Variants in SLC3A2 observed in about 807,000 individuals in gnomAD.
SLC3A2 encodes amino acid transporter heavy chain SLC3A2.
In SLC3A2, 32 loss-of-function variants were observed where a neutral mutation model predicts 48.5. The ratio of observed to expected loss-of-function variants is 0.66; its 90% CI spans 0.50 to 0.89. The LOEUF is 0.89. Ranked by LOEUF, SLC3A2 falls within the 40% of genes least tolerant of loss-of-function variation. The pLI is 0.00. For synonymous variants in SLC3A2, 277 were observed against 288.8 expected (o/e 0.96, Z 0.41); for missense variants, 587 against 680.7 (o/e 0.86, Z 1.53).
At chr11:62,886,594 CTT>C (rs1034005297) in intron 7 of SLC3A2, 4 of 144,528 alleles carry the variant, frequency 2.8e-5, no homozygotes, top group Non-Finnish European at 3.1e-5. Flanking sequence ...CCCAGCTGAT[CTT>C]TTTTTTTTTT....
At position 62,870,845 on chromosome 11, in the gene SLC3A2, TAATA is replaced by T. The variant is rs1565247753; in HGVS notation, c.113-10172_113-10169del. The T allele has an allele frequency of 1.1e-3, 159 of 140,058 alleles. 2 individuals are homozygous for T. The highest frequency in any genetic ancestry group is 6.3e-3 in the African/African-American group (150 of 23,868). The allele number at this position is 140,058 out of a possible 1,614,324, so 8.7% of individuals were successfully genotyped here. On this transcript the variant is annotated intron_variant, in intron 1 of 9. Transcript: ENST00000377889. ...AGAATGCCGAGATGATAGGTAATAA[TAATA>T]ATAATAATTATTATTATTATTATTA...
rs770791874 is a variant in SLC3A2 at position 62,885,167 on chromosome 11, C to T, written c.819-10C>T. On this transcript the variant is annotated splice_polypyrimidine_tract_variant and intron_variant, in intron 5 of 8. Transcript: ENST00000338663. ...TGTGCTAACCTTGAACTCCTCCCTC[C>T]CCTCTGCAGGCTCTTGATTGCGGGG... 5.6e-6 allele frequency: 9 copies of T among 1,613,510 alleles called. No individual in the cohort carries two copies. The highest frequency in any genetic ancestry group is 7.6e-6 in the Non-Finnish European group (9 of 1,179,874).
At position 62,884,690 on chromosome 11, in the gene SLC3A2, G is replaced by A; in HGVS notation, c.818G>A (p.Arg273Lys). 1 of 1,599,230 alleles carries A rather than the reference G, an allele frequency of 6.3e-7. No homozygotes were observed. Residue 273 changes from arginine to lysine, a missense_variant and splice_region_variant, in exon 5 of 9, where the codon AGG becomes AAG. Arg to Lys is a conservative substitution (Grantham distance 26). Around this residue, in one of 3 missense-constraint regions of SLC3A2, gnomAD observed 409 missense variants for 446.7 expected, o/e 0.92. Transcript: ENST00000338663. Reference sequence around the variant, plus strand: ...ATCACCAAGGGCTTCAGTGAAGACAGGTGGGTGCAGGAGCCATTCTGCTGA... The same window carrying A: ...ATCACCAAGGGCTTCAGTGAAGACAAGTGGGTGCAGGAGCCATTCTGCTGA... ...QNITKGFSED[R>K]LLIAGTNSSD...
chr11:62,865,904 C>T (rs2085447702), intron 1 of SLC3A2, among the ~76,000 whole-genome samples: 1 of 152,126 alleles, frequency 6.6e-6, no homozygotes. Context: ...TCTTGAGTAG[C>T]TCAGCTCTGA....
At chr11:62,866,598 G>A (rs758184801) in intron 1 of SLC3A2, among the ~76,000 whole-genome samples, 8 of 152,056 alleles carry the variant, frequency 5.3e-5, no homozygotes, top group Non-Finnish European at 1.0e-4. Flanking sequence ...CCTTCACCAT[G>A]TTGGCCAGGT....
intron 3 of SLC3A2, chr11:62,884,075 C>T: frequency 2.1e-6 from 1 of 465,544 alleles, no homozygotes; most frequent in Admixed American, 2.3e-5. Flanking sequence ...GACGCGTCTC[C>T]CTGCTTCTCT....
chr11:62,884,427 G>A, intron 3 of SLC3A2, 30 bp from the exon 4 acceptor site: 1 of 1,613,422 alleles, frequency 6.2e-7, no homozygotes, highest in South Asian at 1.1e-5. Context: ...GAGAACTGAT[G>A]TCTGTCCTTT....
In SLC3A2 at chr11:62,883,004, G is replaced by GTGTT. The variant is rs2085663026; in HGVS notation, c.690+6_690+9dup. The GTGTT allele has an allele frequency of 6.2e-7, 1 of 1,613,662 alleles. No homozygotes were observed. Among genetic ancestry groups the GTGTT allele is most frequent in the Admixed American group, 1.7e-5 (1 of 60,008 alleles). ...ACTGTGGCCACCAAGGTGAAGGTGA[G>GTGTT]TGTTGGAGCTGATGGCTGGTGGAAG... On this transcript the variant is annotated splice_donor_region_variant and intron_variant, in intron 3 of 8. Coordinates refer to ENST00000338663, the MANE Select transcript of SLC3A2 (RefSeq NM_001013251.3).
At chr11:62,865,195 G>A (rs2085440105) in intron 1 of SLC3A2, among the ~76,000 whole-genome samples, 5 of 152,266 alleles carry the variant, frequency 3.3e-5, no homozygotes, top group African/African-American at 9.6e-5. Flanking sequence ...TGGCAGAACC[G>A]TTACAGTTTT....
chr11:62,866,905 A>G (rs1783239913), intron 1 of SLC3A2, among the ~76,000 whole-genome samples: 1 of 152,214 alleles, frequency 6.6e-6, no homozygotes, highest in Non-Finnish European at 1.5e-5. Context: ...GATGTCAGTT[A>G]AAATTCAGAC....
chr11:62,884,665 A>G lies in SLC3A2; in HGVS notation c.793A>G (p.Ile265Val). Residue 265 changes from isoleucine to valine, a missense_variant, in exon 5 of 9, where the codon ATC (isoleucine) becomes GTC (valine). Coordinates refer to ENST00000338663, the MANE Select transcript of SLC3A2 (RefSeq NM_001013251.3). ...ASSFLAEWQN[I>V]TKGFSEDRLL... ...CTCATTCTTGGCTGAGTGGCAAAAT[A>G]TCACCAAGGGCTTCAGTGAAGACAG... 1 of 1,608,774 alleles carries G rather than the reference A, an allele frequency of 6.2e-7. No individual in the cohort carries two copies. The highest frequency in any genetic ancestry group is 8.5e-7 in the Non-Finnish European group (1 of 1,176,402).
rs1044897361 is a variant in SLC3A2, at chr11:62,872,948, T to G, written c.113-8071T>G. Reference sequence around the variant, plus strand: ...AATGAGTGATATTTCAAATTCAATTTTCTGTTACAGCATACCATACTCTAA... The same window carrying G: ...AATGAGTGATATTTCAAATTCAATTGTCTGTTACAGCATACCATACTCTAA... On this transcript the variant is annotated intron_variant, in intron 1 of 9. Coordinates refer to the SLC3A2 transcript ENST00000377889. 3.3e-5 allele frequency among the ~76,000 whole-genome samples: 5 copies of G among 152,320 alleles called. No homozygotes were observed. In the East Asian group the frequency reaches 5.8e-4, roughly 18 times the overall value.
chr11:62,875,159 T>C (rs1355473934), intron 1 of SLC3A2, among the ~76,000 whole-genome samples: 1 of 152,190 alleles, frequency 6.6e-6, no homozygotes, highest in Non-Finnish European at 1.5e-5. Context: ...AATAGAGTCT[T>C]GGGCTTTCGA....
Position 62,882,924 on chromosome 11 carries a change from G to T in SLC3A2, c.615G>T (p.Leu205=). The T allele has an allele frequency of 6.2e-7, 1 of 1,614,140 alleles. No individual in the cohort carries two copies. The part of the protein sequence containing the change: ...SAKKKSIRVI[L]DLTPNYRGEN... The stretch of plus-strand genomic sequence containing the variant: ...TTGTTTTAGGCATCCGTGTCATTCT[G>T]GACCTTACTCCCAACTACCGGGGTG... Residue 205 remains leucine (L), a synonymous_variant, in exon 3 of 9, where the codon CTG becomes CTT. Transcript: ENST00000338663.
At chr11:62,868,783 C>T in intron 1 of SLC3A2, among the ~76,000 whole-genome samples, 1 of 152,206 alleles carries the variant, frequency 6.6e-6, no homozygotes, top group East Asian at 1.9e-4. Flanking sequence ...CAGATGTTTT[C>T]ATATTGCCAA....
chr11:62,880,996 G>A lies in SLC3A2; in HGVS notation c.-28G>A, dbSNP rs1315075824. 2 of 1,539,178 alleles carry A rather than the reference G, an allele frequency of 1.3e-6. No individual in the cohort carries two copies. Among genetic ancestry groups the A allele is most frequent in the East Asian group, 2.3e-5 (1 of 44,038 alleles). Reference sequence around the variant, plus strand: ...TTGAGCCACCATCTGACCGCAAGCTGCGTCGTGTCGCCGGTTCTGCAGGCA... The same window carrying A: ...TTGAGCCACCATCTGACCGCAAGCTACGTCGTGTCGCCGGTTCTGCAGGCA... On this transcript the variant is annotated 5_prime_UTR_variant, in exon 1 of 9. Coordinates refer to ENST00000338663, the MANE Select transcript of SLC3A2 (RefSeq NM_001013251.3).
chr11:62,875,577 A>T (rs1193802014), intron 1 of SLC3A2, among the ~76,000 whole-genome samples: 2 of 151,786 alleles, frequency 1.3e-5, no homozygotes, highest in Admixed American at 1.3e-4. Context: ...TTGTTTGTTT[A>T]TTTTTCGAGA....
chr11:62,864,370 C>G (rs496788), intron 1 of SLC3A2, among the ~76,000 whole-genome samples: 1 of 151,636 alleles, frequency 6.6e-6, no homozygotes, highest in Non-Finnish European at 1.5e-5. Context: ...CTCACTGCAA[C>G]TTCCACCTTC....
In SLC3A2 at chr11:62,884,483, T is replaced by G. The variant is rs773274652; in HGVS notation, c.717T>G (p.Ala239=). ...VKDALEFWLQ[A]GVDGFQVRDI... is the part of the protein sequence containing the mutation. ...ATGCTCTGGAGTTTTGGCTGCAAGC[T>G]GGCGTGGATGGGTTCCAGGTTCGGG... Residue 239 remains alanine, a synonymous_variant, in exon 4 of 9, where the codon GCT becomes GCG. Coordinates refer to ENST00000338663, the MANE Select transcript of SLC3A2 (RefSeq NM_001013251.3). 2 of 1,614,208 alleles carry G rather than the reference T, an allele frequency of 1.2e-6. No homozygotes were observed. Among genetic ancestry groups the G allele is most frequent in the Non-Finnish European group, 1.7e-6 (2 of 1,180,038 alleles).
Sources: gnomAD v4.1 joint callset for allele counts (sites outside exome capture counted in the v4.1 genomes callset) on GRCh38, gnomAD v4.1.1 for gene constraint, gnomAD v4.1.1 regional missense constraint, MANE v1.5 for transcripts, NCBI Gene and HGNC (gene_info 2026-07-23, HGNC 2026-07-21) for gene names.